Variants in WDR25 observed in about 807,000 individuals in gnomAD.
WDR25 encodes the protein WD repeat-containing protein 25.
WDR25 carries 35 observed loss-of-function variants against 47.7 expected under a neutral mutation model. That is an observed-to-expected ratio of 0.73 (90% CI 0.56 to 0.97). The LOEUF (loss-of-function observed/expected upper bound fraction) is 0.97, where lower values mean the gene tolerates loss of function less well. Ranked by LOEUF, WDR25 falls within the 50% of genes least tolerant of loss-of-function variation. The pLI is 0.00. For synonymous variants in WDR25, 248 were observed against 278.9 expected, an observed-to-expected ratio of 0.89 and a Z score of 1.10; for missense variants, 634 against 704.7, an observed-to-expected ratio of 0.90 and a Z score of 1.14.
At chr14:100,426,992 CT>C (rs1040832170) in intron 2 of WDR25, among the ~76,000 whole-genome samples, 4 of 152,132 alleles carry the variant, frequency 2.6e-5, no homozygotes, top group Non-Finnish European at 4.4e-5. Context: ...CACTCGGGGG[CT>C]TGCTTAAAAC....
Position 100,530,158 on chromosome 14 carries a change from T to A in WDR25, c.*117T>A. ...GCTGTGGGTCCTGGGTACCACCTTC[T>A]GAGCCTCAGTTTCCTCATCTGTAAA... On this transcript the variant is annotated 3_prime_UTR_variant, in exon 7 of 7. Coordinates refer to ENST00000402312, the MANE Select transcript of WDR25 (RefSeq NM_001161476.3). 1 of 1,010,298 alleles carries A rather than the reference T, an allele frequency of 9.9e-7. No homozygotes were observed. 62.6% of individuals were successfully genotyped at this position (1,010,298 alleles called of 1,614,324 possible).
intron 2 of WDR25, among the ~76,000 whole-genome samples, chr14:100,434,068 A>G (rs578055193): frequency 1.4e-4 from 21 of 152,024 alleles, no homozygotes; most frequent in South Asian, 6.2e-4. Context: ...TCTACAAAAA[A>G]AAAAGAAAAG....
At chr14:100,416,823 G>A (rs1340190904) in intron 2 of WDR25, among the ~76,000 whole-genome samples, 6 of 152,190 alleles carry the variant, frequency 3.9e-5, no homozygotes, top group African/African-American at 7.2e-5. Flanking sequence ...TGACTGTAGG[G>A]TACTTTTCTG....
Position 100,499,159 on chromosome 14 carries a change from A to G in WDR25, c.1101+15035A>G, listed in dbSNP as rs1427120264. Among the ~76,000 whole-genome samples the G allele has an allele frequency of 2.0e-5, 3 of 152,226 alleles. No individual in the cohort carries two copies. In the East Asian group the frequency reaches 5.8e-4, roughly 29 times the overall value. ...AAGATAACCCATTAAACTTCAACCCAGCCATAACCACCACTGACAGTTGGT... is the reference window on the plus strand; with the variant it reads ...AAGATAACCCATTAAACTTCAACCCGGCCATAACCACCACTGACAGTTGGT... On this transcript the variant is annotated intron_variant, in intron 4 of 6. Coordinates refer to ENST00000402312, the MANE Select transcript of WDR25 (RefSeq NM_001161476.3). The surrounding 1 kb of genome is among the most constrained non-coding windows in gnomAD (Gnocchi z 4.4).
intron 4 of WDR25, among the ~76,000 whole-genome samples, chr14:100,487,161 C>G (rs1900414388): frequency 6.6e-6 from 1 of 152,206 alleles, no homozygotes; most frequent in Admixed American, 6.5e-5. Flanking sequence ...TGACTCACTG[C>G]CTTGCTTCTC....
At chr14:100,522,846 G>A (rs2029924553) in intron 4 of WDR25, among the ~76,000 whole-genome samples, 1 of 152,230 alleles carries the variant, frequency 6.6e-6, no homozygotes, top group African/African-American at 2.4e-5. Flanking sequence ...CCAAGGGCCA[G>A]GAGAGGCCCC....
At chr14:100,467,191 G>A (rs1352783821) in intron 2 of WDR25, among the ~76,000 whole-genome samples, 2 of 152,226 alleles carry the variant, frequency 1.3e-5, no homozygotes, top group East Asian at 3.9e-4. Context: ...AAATACGAGT[G>A]TAGCACATTC....
chr14:100,480,760 T>C (rs967150900), intron 3 of WDR25, among the ~76,000 whole-genome samples: 1 of 152,200 alleles, frequency 6.6e-6, no homozygotes, highest in Non-Finnish European at 1.5e-5. Flanking sequence ...AATATGATAA[T>C]GCAATTATTA....
At chr14:100,505,084 G>A (rs1389742607) in intron 4 of WDR25, among the ~76,000 whole-genome samples, 1 of 152,080 alleles carries the variant, frequency 6.6e-6, no homozygotes, top group Non-Finnish European at 1.5e-5. Context: ...TGAGTTCTAA[G>A]AGTCTTTCTA....
At chr14:100,466,762 C>T (rs112121121) in intron 2 of WDR25, among the ~76,000 whole-genome samples, 2,932 of 152,068 alleles carry the variant, frequency 0.019, 62 homozygotes, top group African/African-American at 0.052. Context: ...TCGGGTTCAG[C>T]CTCTGAGCCA....
At chr14:100,419,334 T>G (rs1220057290) in intron 2 of WDR25, among the ~76,000 whole-genome samples, 2 of 152,130 alleles carry the variant, frequency 1.3e-5, no homozygotes, top group East Asian at 1.9e-4. Flanking sequence ...CTGTCTACCC[T>G]GTGATGTGAT....
chr14:100,484,455 A>G (rs1259915138), intron 4 of WDR25, among the ~76,000 whole-genome samples: 1 of 132,658 alleles, frequency 7.5e-6, no homozygotes, highest in South Asian at 2.2e-4. Context: ...ACTTTGGTAC[A>G]GAGAATTGGT....
rs1404275912 is a variant in WDR25, at chr14:100,440,088, T to C, written c.823-27933T>C. Among the ~76,000 whole-genome samples the C allele has an allele frequency of 1.3e-5, 2 of 152,194 alleles. No individual in the cohort carries two copies. The highest frequency in any genetic ancestry group is 4.8e-5 in the African/African-American group (2 of 41,440). On this transcript the variant is annotated intron_variant, in intron 2 of 6. Coordinates refer to ENST00000402312, the MANE Select transcript of WDR25 (RefSeq NM_001161476.3). The surrounding 1 kb of genome is among the most constrained non-coding windows in gnomAD (Gnocchi z 4.4). Reference sequence around the variant, plus strand: ...TAAAAGCAGCATAGTCATTTTCGAGTCACTCTCTGATAAAGATAGAACACT... The same window carrying C: ...TAAAAGCAGCATAGTCATTTTCGAGCCACTCTCTGATAAAGATAGAACACT...
At chr14:100,386,164 A>T (rs1037516680) in intron 2 of WDR25, among the ~76,000 whole-genome samples, 1 of 152,242 alleles carries the variant, frequency 6.6e-6, no homozygotes, top group Non-Finnish European at 1.5e-5. Flanking sequence ...AAAACCTTTT[A>T]ATTTTTGACC....
chr14:100,420,312 A>AT (rs370794904), intron 2 of WDR25, among the ~76,000 whole-genome samples: 7,180 of 149,152 alleles, frequency 0.048, 330 homozygotes, highest in African/African-American at 0.13. Flanking sequence ...TTGTAAGCAC[A>AT]TTTTTTTTTT....
At chr14:100,524,444 AT>A in intron 4 of WDR25, among the ~76,000 whole-genome samples, 1 of 152,262 alleles carries the variant, frequency 6.6e-6, no homozygotes, top group East Asian at 1.9e-4. Context: ...ATGTGGGAGG[AT>A]AGAGCAGGCA....
At chr14:100,487,817 G>A (rs1457147286) in intron 4 of WDR25, 4 of 152,154 alleles carry the variant, frequency 2.6e-5, no homozygotes, top group South Asian at 2.1e-4. Context: ...CCACATTTGG[G>A]ATTTATTTCC....
At chr14:100,421,996 G>C (rs1898040573) in intron 2 of WDR25, among the ~76,000 whole-genome samples, 1 of 152,130 alleles carries the variant, frequency 6.6e-6, no homozygotes, top group African/African-American at 2.4e-5. Context: ...TTTGTCTCTT[G>C]CATACAATAT....
At chr14:100,503,044 C>CGT (rs954407651) in intron 4 of WDR25, among the ~76,000 whole-genome samples, 3 of 150,256 alleles carry the variant, frequency 2.0e-5, no homozygotes, top group Admixed American at 6.6e-5. Context: ...TGTCTGTGTC[C>CGT]GTGTGTGTGT....
Sources: gnomAD v4.1 joint callset for allele counts (sites outside exome capture counted in the v4.1 genomes callset) on GRCh38, gnomAD v4.1.1 for gene constraint, Gnocchi (gnomAD v3.1) non-coding constraint, MANE v1.5 for transcripts, NCBI Gene and HGNC (gene_info 2026-07-23, HGNC 2026-07-21) for gene names.